RBFOX1: variants seen among roughly 807,000 people sequenced by gnomAD.
RBFOX1 encodes RNA binding protein fox-1 homolog 1.
In RBFOX1, 8 loss-of-function variants were observed where a neutral mutation model predicts 57.7. The observed-to-expected ratio is 0.14, with a 90% confidence interval of 0.08 to 0.25. RBFOX1 has a LOEUF of 0.25. Ranked by LOEUF, RBFOX1 falls within the 10% of genes least tolerant of loss-of-function variation. The probability of loss-of-function intolerance (pLI) is 1.00; values close to 1 mark genes in which losing one functional copy is unlikely to be tolerated. For synonymous variants in RBFOX1, 326 were observed against 222.4 expected (o/e 1.47, Z -4.15); for missense variants, 611 against 548.5 (o/e 1.11, Z -1.14).
chr16:6,256,159 GTATATATA>G (rs1245956056), intron 1 of RBFOX1, among the ~76,000 whole-genome samples: 8,546 of 31,472 alleles, frequency 0.27, 1,581 homozygotes, highest in African/African-American at 0.46. Context: ...ATATATATAT[GTATATATA>G]TATGTATATA....
chr16:7,037,280 C>T (rs2044784129), intron 3 of RBFOX1, among the ~76,000 whole-genome samples: 1 of 115,446 alleles, frequency 8.7e-6, no homozygotes, highest in Admixed American at 1.1e-4. Flanking sequence ...GCTCTTGTTG[C>T]CCAGGCTGGA....
At chr16:7,645,309 G>A (rs1224477799) in intron 11 of RBFOX1, among the ~76,000 whole-genome samples, 1 of 152,078 alleles carries the variant, frequency 6.6e-6, no homozygotes, top group Non-Finnish European at 1.5e-5. Flanking sequence ...ATTAATCAGG[G>A]CTGTGTCAAT....
chr16:6,715,835 T>C (rs1278585380), intron 3 of RBFOX1, among the ~76,000 whole-genome samples: 2 of 152,218 alleles, frequency 1.3e-5, no homozygotes, highest in Non-Finnish European at 2.9e-5. Flanking sequence ...CTTGAGATCA[T>C]GAACCAATAC....
At chr16:5,439,623 T>C (rs1388793094) in intron 1 of RBFOX1, among the ~76,000 whole-genome samples, 2 of 152,064 alleles carry the variant, frequency 1.3e-5, no homozygotes, top group Non-Finnish European at 2.9e-5. Context: ...TGAGCGATTG[T>C]GCAGATGATG....
chr16:7,103,025 T>C (rs2062957601), intron 4 of RBFOX1, among the ~76,000 whole-genome samples: 1 of 151,176 alleles, frequency 6.6e-6, no homozygotes, highest in African/African-American at 2.5e-5. Flanking sequence ...ACACGTCTAT[T>C]TGTCTATCTA....
At chr16:5,513,122 C>G (rs1036726107) in intron 2 of RBFOX1, among the ~76,000 whole-genome samples, 1 of 152,128 alleles carries the variant, frequency 6.6e-6, no homozygotes, top group Admixed American at 6.5e-5. Flanking sequence ...ACTATGCTGT[C>G]CAGGCTGGTC....
At chr16:6,175,556 T>A (rs951217788) in intron 1 of RBFOX1, among the ~76,000 whole-genome samples, 45 of 152,238 alleles carry the variant, frequency 3.0e-4, no homozygotes, top group African/African-American at 1.0e-3. Context: ...TGGTTGCGCT[T>A]TTGTTGTGCA....
intron 4 of RBFOX1, among the ~76,000 whole-genome samples, chr16:7,105,931 A>T (rs1693801611): frequency 6.6e-6 from 1 of 152,132 alleles, no homozygotes; most frequent in South Asian, 2.1e-4. Flanking sequence ...ATGCTAAGGA[A>T]GGAAAGCAAT....
rs141357161 is a variant in RBFOX1 at position 5,788,577 on chromosome 16, C to T, written c.319-78726C>T. Among the ~76,000 whole-genome samples the T allele has an allele frequency of 9.4e-4, 143 of 152,164 alleles. 1 individual carries two copies. Among genetic ancestry groups the T allele is most frequent in the African/African-American group, 3.3e-3 (136 of 41,532 alleles). ...CCGGGAGGCAGAGTTTGCAGTGAGC[C>T]GGGATCGTGCCACTGCACTCCAGCC... On this transcript the variant is annotated intron_variant, in intron 3 of 19. Coordinates refer to the RBFOX1 transcript ENST00000641259.
chr16:7,680,397 G>A (rs191176122), intron 14 of RBFOX1, among the ~76,000 whole-genome samples: 1 of 152,276 alleles, frequency 6.6e-6, no homozygotes, highest in East Asian at 1.9e-4. Context: ...TGTCATGCTT[G>A]TCCTGCTTGC....
chr16:6,265,189 C>T (rs945825790), intron 1 of RBFOX1, among the ~76,000 whole-genome samples: 9 of 152,096 alleles, frequency 5.9e-5, no homozygotes, highest in African/African-American at 9.7e-5. Context: ...CGCACACTCA[C>T]GTGTTTGTCT....
At chr16:7,014,122 G>A (rs557907592) in intron 3 of RBFOX1, among the ~76,000 whole-genome samples, 25 of 152,328 alleles carry the variant, frequency 1.6e-4, no homozygotes, top group African/African-American at 5.8e-4. Flanking sequence ...AGGCAATTGT[G>A]TATGCAGAAT....
chr16:7,013,109 C>G (rs1279613992), intron 3 of RBFOX1, among the ~76,000 whole-genome samples: 1 of 152,182 alleles, frequency 6.6e-6, no homozygotes, highest in African/African-American at 2.4e-5. Flanking sequence ...AAAGTCCCAT[C>G]TCCAAATGTC....
At chr16:7,009,946 G>GA (rs2093569580) in intron 3 of RBFOX1, among the ~76,000 whole-genome samples, 2 of 152,112 alleles carry the variant, frequency 1.3e-5, no homozygotes, top group South Asian at 4.2e-4. Flanking sequence ...TGGCTACAAG[G>GA]AAAAAGGGTC....
intron 4 of RBFOX1, among the ~76,000 whole-genome samples, chr16:7,239,227 G>C (rs1306266070): frequency 6.6e-6 from 1 of 152,128 alleles, no homozygotes; most frequent in African/African-American, 2.4e-5. Flanking sequence ...CCCAGGAAAA[G>C]GTGGAATCAG....
intron 1 of RBFOX1, among the ~76,000 whole-genome samples, chr16:5,388,061 G>A (rs2066303266): frequency 6.6e-6 from 1 of 152,174 alleles, no homozygotes; most frequent in Non-Finnish European, 1.5e-5. Flanking sequence ...AGAAACGCCA[G>A]GAAGGAACAC....
chr16:7,127,502 G>A (rs1368117149), intron 4 of RBFOX1, among the ~76,000 whole-genome samples: 3 of 152,204 alleles, frequency 2.0e-5, no homozygotes, highest in Admixed American at 1.3e-4. Context: ...TTTGATGACA[G>A]GGATTTACTT....
At chr16:7,362,623 G>T (rs550064965) in intron 4 of RBFOX1, among the ~76,000 whole-genome samples, 1 of 151,934 alleles carries the variant, frequency 6.6e-6, no homozygotes, top group South Asian at 2.1e-4. Context: ...TTTGCGTGTA[G>T]TATGTGTTTT....
chr16:7,628,105 C>G (rs774608795), intron 10 of RBFOX1, among the ~76,000 whole-genome samples: 1 of 151,932 alleles, frequency 6.6e-6, no homozygotes, highest in Non-Finnish European at 1.5e-5. Context: ...GAAAATTGAC[C>G]CAAGGGTTTT....
Sources: allele counts gnomAD v4.1 joint callset (sites outside exome capture counted in the v4.1 genomes callset), GRCh38; gene constraint gnomAD v4.1.1; transcripts MANE v1.5; gene names NCBI Gene and HGNC (gene_info 2026-07-23, HGNC 2026-07-21).